Variants in CFAP299 observed in about 807,000 individuals in gnomAD.
The protein encoded by CFAP299 is cilia- and flagella-associated protein 299.
A neutral mutation model predicts 27.0 loss-of-function variants in CFAP299; 21 were observed. The observed-to-expected ratio is 0.78, with a 90% CI of 0.55 to 1.12. The LOEUF is 1.12. Among genes scored for constraint, CFAP299 ranks in the 50% most tolerant of loss-of-function variants. The probability of loss-of-function intolerance (pLI) is 0.00; values close to 1 mark genes in which losing one functional copy is unlikely to be tolerated. For synonymous variants in CFAP299, 104 were observed against 98.1 expected, an observed-to-expected ratio of 1.06 and a Z score of -0.36; for missense variants, 310 against 276.6, an observed-to-expected ratio of 1.12 and a Z score of -0.86.
chr4:80,505,983 C>T (rs1267007700), intron 2 of CFAP299, among the ~76,000 whole-genome samples: 4 of 150,758 alleles, frequency 2.7e-5, no homozygotes, highest in African/African-American at 9.8e-5. Flanking sequence ...TGTGTACACA[C>T]ACACACGTGT....
At chr4:80,858,365 G>A (rs995249532) in intron 3 of CFAP299, among the ~76,000 whole-genome samples, 6 of 151,992 alleles carry the variant, frequency 3.9e-5, no homozygotes, top group Non-Finnish European at 5.9e-5. Context: ...CCAGCTCCTG[G>A]ATTCATTAAT....
intron 4 of CFAP299, among the ~76,000 whole-genome samples, chr4:80,922,162 T>G (rs897863559): frequency 6.6e-6 from 1 of 152,054 alleles, no homozygotes; most frequent in Admixed American, 6.6e-5. Flanking sequence ...GAAGTTGAAG[T>G]TATCCAAGGA....
Position 80,724,901 on chromosome 4 carries a change from CTTTT to C in CFAP299, c.333+141720_333+141723del, listed in dbSNP as rs377355533. Among the ~76,000 whole-genome samples the C allele has an allele frequency of 1.4e-3, 166 of 119,490 alleles. 2 individuals are homozygous for C. The highest frequency in any genetic ancestry group is 4.8e-3 in the African/African-American group (153 of 31,786). 78.4% of individuals were successfully genotyped at this position (119,490 alleles called of 152,430 possible). ...TTTCTTTTTCTTTCTTTCTTTCTTT[CTTTT>C]TCTTTCTTTCCTTCTTTCTTCTTTC... On this transcript the variant is annotated intron_variant, in intron 3 of 5. Coordinates refer to ENST00000358105, the MANE Select transcript of CFAP299 (RefSeq NM_152770.3).
chr4:80,698,250 C>T (rs1721237760), intron 3 of CFAP299, among the ~76,000 whole-genome samples: 2 of 152,212 alleles, frequency 1.3e-5, no homozygotes, highest in South Asian at 4.2e-4. Context: ...GAGTTCCTGT[C>T]CCATGGGTAA....
At chr4:80,621,967 A>T (rs1393821657) in intron 3 of CFAP299, among the ~76,000 whole-genome samples, 1 of 152,044 alleles carries the variant, frequency 6.6e-6, no homozygotes, top group Non-Finnish European at 1.5e-5. Context: ...ACCAGTAGTG[A>T]TAGAGTGATG....
intron 3 of CFAP299, among the ~76,000 whole-genome samples, chr4:80,632,492 A>T (rs1203805622): frequency 6.6e-6 from 1 of 152,198 alleles, no homozygotes; most frequent in East Asian, 1.9e-4. Flanking sequence ...AGCTACAGGT[A>T]ATAAAACTCT....
intron 3 of CFAP299, among the ~76,000 whole-genome samples, chr4:80,783,442 C>A (rs747289261): frequency 2.0e-5 from 3 of 152,078 alleles, no homozygotes; most frequent in African/African-American, 7.2e-5. Context: ...TTCAGCAATT[C>A]GTCCAAGGTA....
chr4:80,580,046 A>G (rs1363955835), intron 2 of CFAP299, among the ~76,000 whole-genome samples: 1 of 152,132 alleles, frequency 6.6e-6, no homozygotes, highest in South Asian at 2.1e-4. Context: ...TAGTCATTGT[A>G]TCAATTACAG....
intron 2 of CFAP299, among the ~76,000 whole-genome samples, chr4:80,529,178 T>A (rs1312074708): frequency 6.6e-6 from 1 of 152,170 alleles, no homozygotes; most frequent in African/African-American, 2.4e-5. Flanking sequence ...AAGCTCCAGA[T>A]AATCACTTGT....
At chr4:80,846,957 T>C (rs1731217317) in intron 3 of CFAP299, among the ~76,000 whole-genome samples, 1 of 152,182 alleles carries the variant, frequency 6.6e-6, no homozygotes, top group Non-Finnish European at 1.5e-5. Flanking sequence ...AGCAATTGCA[T>C]TCTTCTGCAA....
chr4:80,743,012 A>T (rs1315134970), intron 3 of CFAP299, among the ~76,000 whole-genome samples: 2 of 152,196 alleles, frequency 1.3e-5, no homozygotes, highest in African/African-American at 4.8e-5. Context: ...ATGCAAAAAA[A>T]TTTCTCCTAG....
At chr4:80,456,644 C>G (rs1408274970) in intron 2 of CFAP299, among the ~76,000 whole-genome samples, 1 of 152,106 alleles carries the variant, frequency 6.6e-6, no homozygotes, top group Non-Finnish European at 1.5e-5. Flanking sequence ...GGATTGGAAT[C>G]TGGAGTTTGT....
chr4:80,854,180 T>C (rs1001407442), intron 3 of CFAP299, among the ~76,000 whole-genome samples: 9 of 151,980 alleles, frequency 5.9e-5, no homozygotes, highest in African/African-American at 2.2e-4. Context: ...CAAAAAGAGG[T>C]GGTGAACAAT....
intron 2 of CFAP299, among the ~76,000 whole-genome samples, chr4:80,447,825 C>T (rs1024874229): frequency 5.3e-5 from 8 of 152,186 alleles, no homozygotes; most frequent in Admixed American, 4.6e-4. Flanking sequence ...TCCCCATCCC[C>T]GCTTTTCTAG....
chr4:80,664,836 T>C (rs1741065959), intron 3 of CFAP299, among the ~76,000 whole-genome samples: 1 of 152,112 alleles, frequency 6.6e-6, no homozygotes, highest in Non-Finnish European at 1.5e-5. Context: ...GTTTTGTGCT[T>C]GAAACCCAGG....
chr4:80,445,080 T>A (rs1003563560), intron 2 of CFAP299, among the ~76,000 whole-genome samples: 1 of 151,794 alleles, frequency 6.6e-6, no homozygotes. Flanking sequence ...TTGGTGGGAG[T>A]GTAAATTAGT....
chr4:80,849,456 T>C (rs1731375758), intron 3 of CFAP299, among the ~76,000 whole-genome samples: 1 of 152,194 alleles, frequency 6.6e-6, no homozygotes, highest in Admixed American at 6.5e-5. Flanking sequence ...TGATGGTTAA[T>C]TCTGTTTGAA....
At chr4:80,645,410 A>G (rs1236658061) in intron 3 of CFAP299, among the ~76,000 whole-genome samples, 2 of 152,088 alleles carry the variant, frequency 1.3e-5, no homozygotes, top group Non-Finnish European at 2.9e-5. Context: ...CCTCTTGAGG[A>G]TGCTGGGAGG....
At chr4:80,660,674 G>A (rs1577986274) in intron 3 of CFAP299, among the ~76,000 whole-genome samples, 5 of 152,272 alleles carry the variant, frequency 3.3e-5, no homozygotes, top group Middle Eastern at 6.8e-3. Context: ...GGTTTCAAGG[G>A]TGGTGCCATT....
Sources: gnomAD v4.1 joint callset for allele counts (sites outside exome capture counted in the v4.1 genomes callset) on GRCh38, gnomAD v4.1.1 for gene constraint, MANE v1.5 for transcripts, NCBI Gene and HGNC (gene_info 2026-07-23, HGNC 2026-07-21) for gene names.